CFAP47: variants seen among roughly 807,000 people sequenced by gnomAD.
The protein encoded by CFAP47 is cilia and flagella associated protein 47, also known as cilia- and flagella-associated protein 47.
A neutral mutation model predicts 148.1 loss-of-function variants in CFAP47; 29 were observed. That is an observed-to-expected ratio of 0.20 (90% confidence interval 0.15 to 0.27). The LOEUF is 0.27. CFAP47 is among the 10% of genes least tolerant of loss of function. The pLI is 1.00. For missense variants in CFAP47, 1,872 were observed against 1,697.5 expected, an observed-to-expected ratio of 1.10 and a Z score of -1.81; for synonymous variants, 664 against 577.3, an observed-to-expected ratio of 1.15 and a Z score of -2.15.
chrX:36,172,074 T>C (rs752938185), intron 39 of CFAP47, among the ~76,000 whole-genome samples: 42 of 108,821 alleles, frequency 3.9e-4, no homozygotes, highest in African/African-American at 1.3e-3. Flanking sequence ...TGAATGGGAG[T>C]TCACTCATGA....
At chrX:36,191,155 G>A (rs1939861730) in intron 42 of CFAP47, among the ~76,000 whole-genome samples, 1 of 111,471 alleles carries the variant, frequency 9.0e-6, no homozygotes, top group South Asian at 3.7e-4. Flanking sequence ...TTCTTTTAAA[G>A]GAGATCAGGA....
chrX:36,281,262 A>G (rs992186298), intron 50 of CFAP47, among the ~76,000 whole-genome samples: 1 of 112,576 alleles, frequency 8.9e-6, no homozygotes, highest in Non-Finnish European at 1.9e-5. Flanking sequence ...ATGTTATACA[A>G]AAGAAGAAAT....
chrX:36,162,100 A>T (rs1330538109), intron 39 of CFAP47, among the ~76,000 whole-genome samples: 1 of 112,302 alleles, frequency 8.9e-6, no homozygotes, highest in Non-Finnish European at 1.9e-5. Context: ...TATGCCAGAA[A>T]TTGGGAGAAT....
At chrX:36,122,357 G>T (rs1455042593) in intron 33 of CFAP47, among the ~76,000 whole-genome samples, 1 of 111,385 alleles carries the variant, frequency 9.0e-6, no homozygotes, top group Non-Finnish European at 1.9e-5. Flanking sequence ...GGTTTGGGAA[G>T]TTCTCTGTTA....
At chrX:36,204,493 G>A (rs1555988560) in intron 44 of CFAP47, among the ~76,000 whole-genome samples, 1 of 110,730 alleles carries the variant, frequency 9.0e-6, no homozygotes, top group Non-Finnish European at 1.9e-5. Flanking sequence ...ACGAGTTAAT[G>A]GGTGCAGCAC....
intron 48 of CFAP47, among the ~76,000 whole-genome samples, chrX:36,250,069 A>G (rs1555997917): frequency 1.8e-5 from 2 of 111,710 alleles, no homozygotes; most frequent in Admixed American, 1.9e-4. Flanking sequence ...TGCTGGGTAT[A>G]TATTCAAAAG....
chrX:36,316,008 C>T (rs1266415477), intron 56 of CFAP47, among the ~76,000 whole-genome samples: 1 of 111,471 alleles, frequency 9.0e-6, no homozygotes, highest in African/African-American at 3.3e-5. Flanking sequence ...AATGGAGAGG[C>T]TTAACAACTT....
chrX:36,046,964 G>A lies in CFAP47; in HGVS notation c.4118G>A (p.Ser1373Asn). The A allele has an allele frequency of 1.7e-6, 2 of 1,163,574 alleles. No individual in the cohort carries two copies. The highest frequency in any genetic ancestry group is 1.1e-6 in the Non-Finnish European group (1 of 870,145). The change falls in exon 26 of 64, where the codon AGT (serine) becomes AAT (asparagine). Residue 1373 changes from serine (S) to asparagine (N), a missense_variant. By Grantham distance (46) the Ser-to-Asn change is conservative (BLOSUM62 1). Transcript: ENST00000378653. ...GGCAGAGTCATCCCAGGCTCTCACA[G>A]TGGAATTAATAATAAGCTCACTTGC... ...PKGRVIPGSH[S>N]GINNKLTCHL...
chrX:35,966,471 C>T, intron 8 of CFAP47, 94 bp from the exon 9 acceptor site: 1 of 553,691 alleles, frequency 1.8e-6, no homozygotes, highest in Non-Finnish European at 2.5e-6. Context: ...GCTAGCTTTC[C>T]TTGAAATTTT....
intron 44 of CFAP47, among the ~76,000 whole-genome samples, chrX:36,203,785 A>G (rs1193372787): frequency 8.9e-6 from 1 of 112,219 alleles, no homozygotes; most frequent in Non-Finnish European, 1.9e-5. Context: ...GAAGAATAGT[A>G]TTGAACTACA....
chrX:36,131,829 A>G (rs1396231389), intron 33 of CFAP47, among the ~76,000 whole-genome samples: 2 of 111,406 alleles, frequency 1.8e-5, no homozygotes, highest in East Asian at 2.8e-4. Context: ...ATGTACATTC[A>G]TTTATGTCCA....
At chrX:36,057,068 G>A (rs1247805218) in intron 26 of CFAP47, among the ~76,000 whole-genome samples, 1 of 111,808 alleles carries the variant, frequency 8.9e-6, no homozygotes, top group African/African-American at 3.2e-5. Flanking sequence ...TGTTATACAT[G>A]TAGGATCCCC....
intron 27 of CFAP47, 23 bp downstream of exon 27, chrX:36,065,766 A>T: frequency 1.1e-6 from 1 of 891,193 alleles, no homozygotes; most frequent in South Asian, 2.1e-5. Flanking sequence ...TGACTTATTT[A>T]TCCCTAACTC....
chrX:35,975,501 G>T lies in CFAP47; in HGVS notation c.2471+138G>T, dbSNP rs1601911530. ...GAAGCTATATGTGCATCAATTTTTA[G>T]ATATATAGATTGATAGTTTAGTAGC... On this transcript the variant is annotated intron_variant, in intron 14 of 63. Transcript: ENST00000378653. The T allele has an allele frequency of 1.3e-5, 8 of 616,821 alleles. No homozygotes were observed. The East Asian group carries it at 2.9e-4, about 22-fold the overall frequency. The allele number at this position is 616,821 out of a possible 1,213,427, so 50.8% of individuals were successfully genotyped here.
intron 57 of CFAP47, among the ~76,000 whole-genome samples, chrX:36,335,549 C>G (rs1405861094): frequency 8.9e-6 from 1 of 111,985 alleles, no homozygotes; most frequent in African/African-American, 3.2e-5. Context: ...TTCTAGGAAG[C>G]TTTTAAACTC....
rs890257688 is a variant in CFAP47, at chrX:35,986,255, G to C, written c.2714-3064G>C. ...TTTCAGGTACACCAATCAAATGTAGGTTTGGTCTTTTCACATAGTCCCATA... is the reference window on the plus strand; with the variant it reads ...TTTCAGGTACACCAATCAAATGTAGCTTTGGTCTTTTCACATAGTCCCATA... On this transcript the variant is annotated intron_variant, in intron 15 of 63. Transcript: ENST00000378653. 2.7e-5 allele frequency among the ~76,000 whole-genome samples: 3 copies of C among 110,526 alleles called. No individual in the cohort carries two copies. The Admixed American group carries it at 2.9e-4, about 11-fold the overall frequency.
chrX:36,109,937 T>G (rs1278597206), intron 33 of CFAP47, among the ~76,000 whole-genome samples: 1 of 112,185 alleles, frequency 8.9e-6, no homozygotes, highest in Non-Finnish European at 1.9e-5. Context: ...GTCCTTTGCC[T>G]ACTTTTTAAT....
intron 29 of CFAP47, among the ~76,000 whole-genome samples, chrX:36,081,552 A>G (rs111859813): frequency 0.026 from 2,833 of 110,846 alleles, 91 homozygotes; most frequent in African/African-American, 0.088. Flanking sequence ...AAAGAAAACT[A>G]TAGGCCAATA....
At chrX:36,335,090 A>T (rs1431944713) in intron 57 of CFAP47, among the ~76,000 whole-genome samples, 9 of 111,273 alleles carry the variant, frequency 8.1e-5, no homozygotes, top group African/African-American at 2.9e-4. Context: ...CCTACACATT[A>T]TCTGTATTTA....
Sources: gnomAD v4.1 joint callset for allele counts (sites outside exome capture counted in the v4.1 genomes callset) on GRCh38, gnomAD v4.1.1 for gene constraint, MANE v1.5 for transcripts, NCBI Gene and HGNC (gene_info 2026-07-23, HGNC 2026-07-21) for gene names.